UGGT2: variants seen among roughly 807,000 people sequenced by gnomAD.
UGGT2 encodes UDP-glucose glycoprotein glucosyltransferase 2.
In UGGT2, 180 loss-of-function variants were observed where a neutral mutation model predicts 192.1. The ratio of observed to expected loss-of-function variants is 0.94; its 90% CI spans 0.83 to 1.06. The LOEUF is 1.06. Ranked by LOEUF, UGGT2 falls within the 50% of genes least tolerant of loss-of-function variation. The pLI is 0.00. For missense variants in UGGT2, 1,849 were observed against 1,795.7 expected (o/e 1.03, Z -0.54); for synonymous variants, 580 against 591.0 (o/e 0.98, Z 0.27).
At chr13:95,837,506 T>C (rs1308994819) in intron 36 of UGGT2, among the ~76,000 whole-genome samples, 1 of 152,202 alleles carries the variant, frequency 6.6e-6, no homozygotes, top group African/African-American at 2.4e-5. Flanking sequence ...TCACTACCTC[T>C]ATCTGCCTCT....
chr13:95,944,998 AAAGTTT>A (rs1834575775), intron 15 of UGGT2, among the ~76,000 whole-genome samples: 2 of 152,004 alleles, frequency 1.3e-5, no homozygotes, highest in South Asian at 4.1e-4. Context: ...ACTTTTTCTT[AAAGTTT>A]ATTTCCCCTA....
Position 95,900,909 on chromosome 13 carries a change from T to C in UGGT2, c.2532A>G (p.Lys844=). The C allele has an allele frequency of 6.2e-7, 1 of 1,601,476 alleles. No homozygotes were observed. Among genetic ancestry groups the C allele is most frequent in the Non-Finnish European group, 8.5e-7 (1 of 1,175,604 alleles). The change falls in exon 22 of 39, where the codon AAA becomes AAG. Residue 844 remains lysine, a synonymous_variant. Coordinates refer to ENST00000376747, the MANE Select transcript of UGGT2 (RefSeq NM_020121.4). Reference sequence around the variant, plus strand: ...AAATATTCACTCCAACAGTATTATATTTTTTCTCAAAAGCATTCTTATCCA... The same window carrying C: ...AAATATTCACTCCAACAGTATTATACTTTTTCTCAAAAGCATTCTTATCCA... ...EGMDKNAFEK[K]YNTVGVNIFR... is the part of the protein sequence containing the mutation.
At chr13:96,027,257 C>T (rs1370748278) in intron 2 of UGGT2, among the ~76,000 whole-genome samples, 1 of 152,080 alleles carries the variant, frequency 6.6e-6, no homozygotes, top group Non-Finnish European at 1.5e-5. Flanking sequence ...GTGAGTAGTG[C>T]CTGACAACAG....
At chr13:95,923,368 C>CT (rs67003679) in intron 20 of UGGT2, among the ~76,000 whole-genome samples, 42,881 of 119,638 alleles carry the variant, frequency 0.36, 8,327 homozygotes, top group East Asian at 0.47. Context: ...TCAGCATATT[C>CT]TTTTTTTTTT....
intron 1 of UGGT2, among the ~76,000 whole-genome samples, chr13:96,046,224 A>G (rs1034078433): frequency 6.6e-6 from 1 of 152,188 alleles, no homozygotes; most frequent in Non-Finnish European, 1.5e-5. Flanking sequence ...AAACAAAAAC[A>G]AAGTGGGGAA....
At chr13:95,806,277 C>T (rs889946693) in intron 38 of UGGT2, among the ~76,000 whole-genome samples, 5 of 152,132 alleles carry the variant, frequency 3.3e-5, no homozygotes, top group Non-Finnish European at 5.9e-5. Context: ...GCCTGGGCAT[C>T]AGATTTATGG....
At chr13:95,870,100 G>A (rs1214660565) in intron 29 of UGGT2, among the ~76,000 whole-genome samples, 2 of 152,130 alleles carry the variant, frequency 1.3e-5, no homozygotes, top group Non-Finnish European at 1.5e-5. Flanking sequence ...CAATACTTAG[G>A]AAAGTTATAA....
chr13:95,950,774 A>C (rs924708062), intron 12 of UGGT2, among the ~76,000 whole-genome samples: 1 of 152,018 alleles, frequency 6.6e-6, no homozygotes, highest in Non-Finnish European at 1.5e-5. Context: ...AATATTTATA[A>C]TTAAGAACTC....
intron 7 of UGGT2, among the ~76,000 whole-genome samples, chr13:95,993,446 A>C (rs1256255886): frequency 6.6e-6 from 1 of 152,188 alleles, no homozygotes; most frequent in East Asian, 1.9e-4. Flanking sequence ...GTTCCACGTG[A>C]TCTTTTGGAG....
At chr13:95,857,820 T>C (rs940140251) in intron 33 of UGGT2, among the ~76,000 whole-genome samples, 5 of 152,268 alleles carry the variant, frequency 3.3e-5, no homozygotes, top group African/African-American at 1.2e-4. Flanking sequence ...AATCCAGACA[T>C]AGCACTATTG....
At position 95,925,715 on chromosome 13, in the gene UGGT2, C is replaced by T; in HGVS notation, c.2260G>A (p.Gly754Arg). ...WIIADFDKPS[G>R]RKLLFNALKH... ...AATGCATTAAAAAGAAGTTTTCTCC[C>T]AGAAGGCTTATCAAAATCTGCAATA... Residue 754 changes from glycine to arginine, a missense_variant, in exon 20 of 39, where the codon GGG becomes AGG. By Grantham distance (125) the Gly-to-Arg change is moderately radical. Transcript: ENST00000376747. The T allele has an allele frequency of 6.3e-7, 1 of 1,579,990 alleles. No homozygotes were observed. Among genetic ancestry groups the T allele is most frequent in the African/African-American group, 1.3e-5 (1 of 74,412 alleles).
At chr13:95,993,410 T>C (rs2051517642) in intron 7 of UGGT2, among the ~76,000 whole-genome samples, 1 of 151,948 alleles carries the variant, frequency 6.6e-6, no homozygotes, top group African/African-American at 2.4e-5. Flanking sequence ...TAAAATAAAA[T>C]TAAATTAAAA....
In UGGT2 at chr13:95,979,548, C is replaced by CAAAAAAA. The variant is rs57487353; in HGVS notation, c.1092+4249_1092+4255dup. ...TTCTCATTTCCCCTGGTCTCTTACG[C>CAAAAAAA]AAAAAAAAAAAAAATACAGACTTGC... On this transcript the variant is annotated intron_variant, in intron 10 of 38. Transcript: ENST00000376747. 3.1e-4 allele frequency among the ~76,000 whole-genome samples: 31 copies of CAAAAAAA among 98,806 alleles called. 3 individuals are homozygous for CAAAAAAA. The highest frequency in any genetic ancestry group is 8.3e-4 in the African/African-American group (23 of 27,652). The allele number at this position is 98,806 out of a possible 152,430, so 64.8% of individuals were successfully genotyped here. A position where few individuals can be genotyped will look rare whatever the true frequency, so the allele number is the denominator to read the frequency against.
At chr13:96,026,236 A>G (rs1040580685) in intron 2 of UGGT2, among the ~76,000 whole-genome samples, 2 of 152,208 alleles carry the variant, frequency 1.3e-5, no homozygotes, top group African/African-American at 4.8e-5. Context: ...TCGAATTCAC[A>G]CATGAACAAT....
At chr13:95,890,022 C>A (rs957208446) in intron 25 of UGGT2, among the ~76,000 whole-genome samples, 3 of 152,162 alleles carry the variant, frequency 2.0e-5, no homozygotes, top group Admixed American at 1.3e-4. Flanking sequence ...GCCTTAGCAA[C>A]CCCAAGGCAG....
rs371649832 is a variant in UGGT2, at chr13:95,962,430, A to G, written c.1335+7682T>C. On this transcript the variant is annotated intron_variant, in intron 12 of 38. Transcript: ENST00000376747. ...CTATTATAGAAAACTATACACTAAC[A>G]AACTGGAAACCTTGGAGGAAATGGA... 3.9e-5 allele frequency among the ~76,000 whole-genome samples: 6 copies of G among 152,282 alleles called. No individual in the cohort carries two copies. In the East Asian group the frequency reaches 7.7e-4, roughly 20 times the overall value.
intron 10 of UGGT2, among the ~76,000 whole-genome samples, chr13:95,978,600 T>G (rs557216926): frequency 4.0e-4 from 61 of 152,190 alleles, no homozygotes; most frequent in Non-Finnish European, 7.6e-4. Flanking sequence ...AATTTTTGCA[T>G]AGACCAATGT....
At chr13:95,810,988 A>G (rs1205523367) in intron 38 of UGGT2, among the ~76,000 whole-genome samples, 2 of 152,240 alleles carry the variant, frequency 1.3e-5, no homozygotes, top group Non-Finnish European at 2.9e-5. Flanking sequence ...CAGACTGCCA[A>G]TAAGCACACA....
chr13:96,041,509 A>G (rs2053163455), intron 1 of UGGT2, among the ~76,000 whole-genome samples: 1 of 152,184 alleles, frequency 6.6e-6, no homozygotes, highest in South Asian at 2.1e-4. Context: ...AACTTGGGAG[A>G]GGGCATGAAT....
Sources: allele counts gnomAD v4.1 joint callset (sites outside exome capture counted in the v4.1 genomes callset), GRCh38; gene constraint gnomAD v4.1.1; transcripts MANE v1.5; gene names NCBI Gene and HGNC (gene_info 2026-07-23, HGNC 2026-07-21).